The following IMMP1L variants were observed in gnomAD, a reference collection of about 807,000 sequenced individuals.
The protein encoded by IMMP1L is mitochondrial inner membrane protease subunit 1.
In IMMP1L, 24 loss-of-function variants were observed where a neutral mutation model predicts 21.8. The ratio of observed to expected loss-of-function variants is 1.10; its 90% CI spans 0.80 to 1.55. The LOEUF is 1.55. Ranked by LOEUF, IMMP1L falls within the 40% of genes most tolerant of loss-of-function variation. The pLI, the probability that IMMP1L is intolerant of heterozygous loss-of-function variation, is 0.00. For synonymous variants in IMMP1L, 46 were observed against 62.8 expected (o/e 0.73, Z 1.26); for missense variants, 195 against 200.7 (o/e 0.97, Z 0.17).
intron 1 of IMMP1L, among the ~76,000 whole-genome samples, chr11:31,503,281 T>G (rs1955679849): frequency 6.6e-6 from 1 of 152,174 alleles, no homozygotes; most frequent in South Asian, 2.1e-4. Flanking sequence ...CGCTCTTAAC[T>G]ACATACGGTA....
In IMMP1L at chr11:31,433,542, C is replaced by T. The variant is rs1443754203; in HGVS notation, c.350G>A (p.Gly117Asp). The T allele has an allele frequency of 1.2e-6, 2 of 1,611,452 alleles. No homozygotes were observed. Among genetic ancestry groups the T allele is most frequent in the Non-Finnish European group, 1.7e-6 (2 of 1,178,556 alleles). ...YVPMGHVWLE[G>D]DNLQNSTDSR... ...ATCTGTAGAATTCTGTAGATTGTCA[C>T]CTTCTAACCAAACATGACCCATTGG... The change falls in exon 5 of 6, where the codon GGT becomes GAT. Residue 117 changes from glycine to aspartate, a missense_variant. Physicochemically the swap from Gly to Asp is moderately conservative, Grantham distance 94 (BLOSUM62 -1). Coordinates refer to ENST00000532287, the MANE Select transcript of IMMP1L (RefSeq NM_001304274.2).
chr11:31,443,927 C>T (rs1205355980), intron 4 of IMMP1L, among the ~76,000 whole-genome samples: 3 of 152,190 alleles, frequency 2.0e-5, no homozygotes, highest in Non-Finnish European at 4.4e-5. Flanking sequence ...GAGCTTCTCC[C>T]TGCTGAGTAG....
At chr11:31,506,226 C>CTTTT (rs548091856) in intron 1 of IMMP1L, among the ~76,000 whole-genome samples, 3 of 131,178 alleles carry the variant, frequency 2.3e-5, no homozygotes, top group East Asian at 2.2e-4. Flanking sequence ...AAACATATAA[C>CTTTT]TTTTTTTTTT....
At chr11:31,458,361 A>G (rs1954016317) in intron 3 of IMMP1L, among the ~76,000 whole-genome samples, 1 of 152,124 alleles carries the variant, frequency 6.6e-6, no homozygotes, top group Non-Finnish European at 1.5e-5. Flanking sequence ...ACTAGTGTCA[A>G]TTATCTCATT....
At chr11:31,456,151 CT>C in intron 4 of IMMP1L, 108 bp downstream of exon 4, 1 of 723,926 alleles carries the variant, frequency 1.4e-6, no homozygotes. Flanking sequence ...ACTGGATGCC[CT>C]TTTTTCTTAC....
intron 4 of IMMP1L, among the ~76,000 whole-genome samples, chr11:31,439,977 GC>G (rs1424604693): frequency 1.3e-5 from 2 of 152,132 alleles, no homozygotes; most frequent in Non-Finnish European, 2.9e-5. Context: ...TTCACCATAA[GC>G]AGGCACAATT....
intron 4 of IMMP1L, among the ~76,000 whole-genome samples, chr11:31,436,797 T>C (rs1169855577): frequency 6.6e-6 from 1 of 152,158 alleles, no homozygotes; most frequent in Non-Finnish European, 1.5e-5. Context: ...CTAGAACATA[T>C]GACCAGGAGC....
intron 4 of IMMP1L, 128 bp from the exon 5 acceptor site, chr11:31,433,698 C>A: frequency 2.2e-6 from 1 of 461,058 alleles, no homozygotes; most frequent in South Asian, 5.6e-5. Context: ...AGATACAAAT[C>A]CTAATATTGC....
chr11:31,496,617 G>A (rs1381760480), intron 1 of IMMP1L, among the ~76,000 whole-genome samples: 1 of 146,426 alleles, frequency 6.8e-6, no homozygotes, highest in Admixed American at 6.8e-5. Context: ...TGTGATATAT[G>A]TGTGTGTGTG....
intron 1 of IMMP1L, among the ~76,000 whole-genome samples, chr11:31,502,430 A>T (rs1226640918): frequency 6.6e-6 from 1 of 152,240 alleles, no homozygotes; most frequent in Non-Finnish European, 1.5e-5. Context: ...TAAACTAAGA[A>T]ACAGTAGTCA....
In IMMP1L at chr11:31,444,624, C is replaced by T. The variant is rs547895548; in HGVS notation, c.322-11054G>A. ...TTTTTTTCTGAGACAGAGTCTTGCT[C>T]TGTTGCCCAGGCTGGAGTGCCATGG... On this transcript the variant is annotated intron_variant, in intron 4 of 5. Coordinates refer to ENST00000532287, the MANE Select transcript of IMMP1L (RefSeq NM_001304274.2). 1.3e-4 allele frequency among the ~76,000 whole-genome samples: 19 copies of T among 144,084 alleles called. No individual in the cohort carries two copies. The South Asian group carries it at 4.2e-3, about 32-fold the overall frequency. 94.5% of individuals were successfully genotyped at this position (144,084 alleles called of 152,430 possible).
chr11:31,454,989 T>C (rs547995590), intron 4 of IMMP1L, among the ~76,000 whole-genome samples: 3 of 152,290 alleles, frequency 2.0e-5, no homozygotes, highest in South Asian at 4.1e-4. Flanking sequence ...GAGGATACAG[T>C]GTCCGTAGAA....
At position 31,454,475 on chromosome 11, in the gene IMMP1L, A is replaced by C. The variant is rs1055237796; in HGVS notation, c.321+1785T>G. ...AAAAAAAAAAAAAAAAAAAAAAAAA[A>C]CTGAAAGAGAGGATTTTGAATGTTC... On this transcript the variant is annotated intron_variant, in intron 4 of 5. Transcript: ENST00000532287. Among the ~76,000 whole-genome samples the C allele has an allele frequency of 5.6e-4, 83 of 148,516 alleles. 1 individual carries two copies. The highest frequency in any genetic ancestry group is 2.0e-3 in the African/African-American group (79 of 39,622).
At chr11:31,461,244 G>A (rs1217107704) in intron 2 of IMMP1L, among the ~76,000 whole-genome samples, 3 of 152,076 alleles carry the variant, frequency 2.0e-5, no homozygotes, top group Admixed American at 1.3e-4. Flanking sequence ...CATTTCATGG[G>A]GCTGCAACTT....
At chr11:31,449,878 T>A (rs939109038) in intron 4 of IMMP1L, among the ~76,000 whole-genome samples, 4 of 152,178 alleles carry the variant, frequency 2.6e-5, no homozygotes, top group Non-Finnish European at 5.9e-5. Context: ...TTCTAATAAG[T>A]ACAGATTTGT....
chr11:31,484,239 C>T lies in IMMP1L; in HGVS notation c.-29-20934G>A, dbSNP rs150879190. Among the ~76,000 whole-genome samples the T allele has an allele frequency of 4.0e-4, 61 of 151,978 alleles. No individual in the cohort carries two copies. In the East Asian group the frequency reaches 8.1e-3, roughly 20 times the overall value. ...ATATATACAGTAAAAGTCCCATCTT[C>T]CCTGTTTTCTTCTTCATCCCCACAA... On this transcript the variant is annotated intron_variant, in intron 1 of 5. Transcript: ENST00000532287.
chr11:31,474,686 A>G (rs1005003076), intron 1 of IMMP1L, among the ~76,000 whole-genome samples: 3 of 152,136 alleles, frequency 2.0e-5, no homozygotes, highest in African/African-American at 7.2e-5. Context: ...CCCTGTCTCA[A>G]AAAGAATTAG....
Position 31,477,644 on chromosome 11 carries a change from C to G in IMMP1L, c.-29-14339G>C, listed in dbSNP as rs533569643. ...TTATAGCGCCAGGTGGCTTTTTCTG[C>G]AGTGAAGGTGTTACCGATAATCCCA... On this transcript the variant is annotated intron_variant, in intron 1 of 5. Coordinates refer to ENST00000532287, the MANE Select transcript of IMMP1L (RefSeq NM_001304274.2). 8 of 487,096 alleles carry G rather than the reference C, an allele frequency of 1.6e-5. No homozygotes were observed. In the South Asian group the frequency reaches 5.2e-4, roughly 32 times the overall value. The allele number at this position is 487,096 out of a possible 1,614,324, so 30.2% of individuals were successfully genotyped here.
chr11:31,482,524 G>A (rs1357318420), intron 1 of IMMP1L, among the ~76,000 whole-genome samples: 3 of 151,936 alleles, frequency 2.0e-5, no homozygotes, highest in African/African-American at 7.2e-5. Context: ...CAGGCTAACA[G>A]AAAAGTGGGC....
Sources: gnomAD v4.1 joint callset for allele counts (sites outside exome capture counted in the v4.1 genomes callset) on GRCh38, gnomAD v4.1.1 for gene constraint, MANE v1.5 for transcripts, NCBI Gene and HGNC (gene_info 2026-07-23, HGNC 2026-07-21) for gene names.